TRRAP: variants seen among roughly 807,000 people sequenced by gnomAD.
TRRAP encodes transformation/transcription domain-associated protein.
TRRAP carries 41 observed loss-of-function variants against 438.8 expected under a neutral mutation model. The observed-to-expected ratio is 0.09, with a 90% CI of 0.07 to 0.12. TRRAP has a LOEUF of 0.12. Among genes scored for constraint, TRRAP ranks in the 10% least tolerant of loss-of-function variants. The pLI is 1.00. For missense variants in TRRAP, 3,122 were observed against 5,055.1 expected, an observed-to-expected ratio of 0.62 and a Z score of 11.60; for synonymous variants, 1,994 against 1,962.9, an observed-to-expected ratio of 1.02 and a Z score of -0.42.
At chr7:98,889,552 TTTTA>T (rs1795869814) in intron 3 of TRRAP, among the ~76,000 whole-genome samples, 1 of 63,458 alleles carries the variant, frequency 1.6e-5, no homozygotes, top group African/African-American at 2.9e-5. Context: ...TTTTTTTTTT[TTTTA>T]AAAAAAATAG....
intron 44 of TRRAP, 98 bp downstream of exon 44, chr7:98,958,189 T>TA: frequency 9.4e-7 from 1 of 1,060,310 alleles, no homozygotes; most frequent in Middle Eastern, 2.1e-4. Flanking sequence ...TCAAAAAAGA[T>TA]ACAGACAAAC....
rs782398605 is a variant in TRRAP, at chr7:98,890,490, T to C, written c.261+45T>C. 3.6e-6 allele frequency: 5 copies of C among 1,400,060 alleles called. No individual in the cohort carries two copies. The South Asian group carries it at 5.5e-5, about 15-fold the overall frequency. The allele number at this position is 1,400,060 out of a possible 1,614,324, so 86.7% of individuals were successfully genotyped here. A position where few individuals can be genotyped will look rare whatever the true frequency, so the allele number is the denominator to read the frequency against. On this transcript the variant is annotated intron_variant, in intron 4 of 72. Coordinates refer to ENST00000456197, the MANE Select transcript of TRRAP (RefSeq NM_001375524.1). ...TGAGAAGACAAGGGTGCTGTGGGATTGTGACCAGTTACGAATTAACTCAGA... is the reference window on the plus strand; with the variant it reads ...TGAGAAGACAAGGGTGCTGTGGGATCGTGACCAGTTACGAATTAACTCAGA...
chr7:98,934,031 G>T (rs544886268), intron 27 of TRRAP, among the ~76,000 whole-genome samples: 2 of 152,228 alleles, frequency 1.3e-5, no homozygotes, highest in East Asian at 3.9e-4. Flanking sequence ...GACTTGATTT[G>T]TCCCTTGACC....
intron 51 of TRRAP, among the ~76,000 whole-genome samples, chr7:98,969,084 C>G (rs1328634565): frequency 6.6e-6 from 1 of 152,260 alleles, no homozygotes; most frequent in Admixed American, 6.5e-5. Context: ...CCACCGCCAT[C>G]TCTCATTAGG....
At chr7:99,008,097 T>TACA (rs1324560068) in intron 69 of TRRAP, among the ~76,000 whole-genome samples, 2 of 152,214 alleles carry the variant, frequency 1.3e-5, no homozygotes, top group East Asian at 3.9e-4. Context: ...GTGCTGTGAT[T>TACA]ACAGGCGTGA....
intron 39 of TRRAP, among the ~76,000 whole-genome samples, chr7:98,952,764 G>A (rs1210976837): frequency 6.6e-6 from 1 of 152,142 alleles, no homozygotes; most frequent in Non-Finnish European, 1.5e-5. Context: ...AGTCAGTTCT[G>A]TGTTCATCTC....
intron 30 of TRRAP, among the ~76,000 whole-genome samples, chr7:98,939,337 T>TA (rs2116555350): frequency 6.6e-6 from 1 of 152,344 alleles, no homozygotes; most frequent in African/African-American, 2.4e-5. Flanking sequence ...TTGTGTGTGA[T>TA]ACAGTGTATC....
In TRRAP at chr7:98,984,975, A is replaced by G; in HGVS notation, c.9320A>G (p.Lys3107Arg). 1 of 1,613,436 alleles carries G rather than the reference A, an allele frequency of 6.2e-7. No homozygotes were observed. Among genetic ancestry groups the G allele is most frequent in the Non-Finnish European group, 8.5e-7 (1 of 1,179,748 alleles). ...GLEVIESTNL[K>R]YFTKEMTAEF... is the part of the protein sequence containing the mutation. ...GAAGTTATTGAATCTACAAATTTAA[A>G]ATACTTCACAAAAGAGATGACAGCC... Residue 3107 changes from lysine (K) to arginine (R), a missense_variant, in exon 62 of 73, where the codon AAA becomes AGA. Around this residue, in one of 24 missense-constraint regions of TRRAP, gnomAD observed 129 missense variants for 279.2 expected, o/e 0.46. Coordinates refer to ENST00000456197, the MANE Select transcript of TRRAP (RefSeq NM_001375524.1).
In TRRAP at chr7:98,890,376, T is replaced by C; in HGVS notation, c.192T>C (p.His64=). The part of the protein sequence containing the change: ...SSPQYSTFLE[H]IIPRFLTFLQ... ...CTCAGTATTCTACATTCCTAGAACA[T>C]ATCATCCCTCGATTCCTTACATTTC... The change falls in exon 4 of 73, where the codon CAT becomes CAC. Residue 64 remains histidine (H), a synonymous_variant. Coordinates refer to ENST00000456197, the MANE Select transcript of TRRAP (RefSeq NM_001375524.1). The C allele has an allele frequency of 3.7e-6, 6 of 1,606,910 alleles. No individual in the cohort carries two copies. Among genetic ancestry groups the C allele is most frequent in the Middle Eastern group, 1.7e-4 (1 of 6,046 alleles).
chr7:98,954,016 G>C (rs1791471971), intron 40 of TRRAP, among the ~76,000 whole-genome samples: 1 of 152,212 alleles, frequency 6.6e-6, no homozygotes, highest in East Asian at 1.9e-4. Context: ...ACATTCCATG[G>C]CAGATGTTAT....
At chr7:98,880,302 T>G (rs1223973979) in intron 1 of TRRAP, among the ~76,000 whole-genome samples, 1 of 149,076 alleles carries the variant, frequency 6.7e-6, no homozygotes, top group Non-Finnish European at 1.5e-5. Flanking sequence ...CTTGCTCTAT[T>G]GCCCAGGATG....
chr7:99,002,689 G>A (rs1335853624), intron 67 of TRRAP, among the ~76,000 whole-genome samples: 4 of 151,958 alleles, frequency 2.6e-5, no homozygotes, highest in Non-Finnish European at 5.9e-5. Flanking sequence ...GTGCCACAGA[G>A]CTTAAAATGA....
At chr7:98,969,630 G>T (rs1792317709) in intron 51 of TRRAP, among the ~76,000 whole-genome samples, 1 of 152,178 alleles carries the variant, frequency 6.6e-6, no homozygotes, top group Non-Finnish European at 1.5e-5. Context: ...GAAGAACGGT[G>T]TGGTGGCGAG....
At position 98,978,917 on chromosome 7, in the gene TRRAP, G is replaced by A. The variant is rs1194610169; in HGVS notation, c.8634+13G>A. On this transcript the variant is annotated intron_variant, in intron 58 of 72. Coordinates refer to ENST00000456197, the MANE Select transcript of TRRAP (RefSeq NM_001375524.1). Reference sequence around the variant, plus strand: ...GGCGCTGGTGCAGGTGAGACGCCCCGGGGGCATCCCTGCCGCTGCCTGGGT... The same window carrying A: ...GGCGCTGGTGCAGGTGAGACGCCCCAGGGGCATCCCTGCCGCTGCCTGGGT... 8.7e-6 allele frequency: 14 copies of A among 1,612,934 alleles called. No individual in the cohort carries two copies. In the East Asian group the frequency reaches 1.3e-4, roughly 15 times the overall value.
chr7:98,946,475 G>A (rs961173223), intron 33 of TRRAP, among the ~76,000 whole-genome samples: 33 of 132,592 alleles, frequency 2.5e-4, no homozygotes, highest in Admixed American at 5.2e-4. Context: ...CAGACCACAC[G>A]TGCACTCACA....
Position 98,882,578 on chromosome 7 carries a change from G to A in TRRAP, c.150+554G>A, listed in dbSNP as rs969102963. Among the ~76,000 whole-genome samples the A allele has an allele frequency of 3.3e-5, 5 of 151,954 alleles. No individual in the cohort carries two copies. The East Asian group carries it at 7.7e-4, about 23-fold the overall frequency. On this transcript the variant is annotated intron_variant, in intron 3 of 72. Coordinates refer to ENST00000456197, the MANE Select transcript of TRRAP (RefSeq NM_001375524.1). ...GGGTTTCACCATGTTGGTCAGGCTG[G>A]CCTTGAACTCCTGACCTCAGGTGAT...
intron 45 of TRRAP, among the ~76,000 whole-genome samples, chr7:98,960,674 C>T (rs1051260507): frequency 9.2e-5 from 14 of 152,154 alleles, no homozygotes; most frequent in Admixed American, 6.5e-5. Context: ...TCACTGCAAC[C>T]TCCACCTCCC....
Position 99,005,247 on chromosome 7 carries a change from C to G in TRRAP, c.10652C>G (p.Thr3551Arg). 1 of 1,614,226 alleles carries G rather than the reference C, an allele frequency of 6.2e-7. No individual in the cohort carries two copies. Among genetic ancestry groups the G allele is most frequent in the Non-Finnish European group, 8.5e-7 (1 of 1,180,048 alleles). Residue 3551 changes from threonine to arginine, a missense_variant, in exon 69 of 73, where the codon ACA becomes AGA. Transcript: ENST00000456197. The surrounding 1 kb of genome is among the most constrained non-coding windows in gnomAD (Gnocchi z 5.1). ...PYLVMNDACLTESRREERVLQ... is the reference protein window; with the variant it reads ...PYLVMNDACLRESRREERVLQ... Reference sequence around the variant, plus strand: ...CTCGTCATGAACGACGCCTGCCTCACAGAGTCACGGCGAGAGGAGCGTGTG... The same window carrying G: ...CTCGTCATGAACGACGCCTGCCTCAGAGAGTCACGGCGAGAGGAGCGTGTG...
intron 11 of TRRAP, among the ~76,000 whole-genome samples, chr7:98,902,268 G>T (rs1554406768): frequency 6.6e-6 from 1 of 152,172 alleles, no homozygotes. Flanking sequence ...AGACTGTATG[G>T]TGGATTTTTG....
Sources: gnomAD v4.1 joint callset for allele counts (sites outside exome capture counted in the v4.1 genomes callset) on GRCh38, gnomAD v4.1.1 for gene constraint, gnomAD v4.1.1 regional missense constraint, Gnocchi (gnomAD v3.1) non-coding constraint, MANE v1.5 for transcripts, NCBI Gene and HGNC (gene_info 2026-07-23, HGNC 2026-07-21) for gene names.